SLIT3: variants seen among roughly 807,000 people sequenced by gnomAD.
SLIT3 encodes the protein slit homolog 3 protein.
Under a neutral mutation model 184.0 loss-of-function variants are expected in SLIT3, and 68 were observed. The ratio of observed to expected loss-of-function variants is 0.37; its 90% CI spans 0.30 to 0.45. SLIT3 has a LOEUF of 0.45. Among genes scored for constraint, SLIT3 ranks in the 20% least tolerant of loss-of-function variants. The pLI is 1.00. For missense variants in SLIT3, 1,707 were observed against 2,026.0 expected, an observed-to-expected ratio of 0.84 and a Z score of 3.02; for synonymous variants, 831 against 828.6, an observed-to-expected ratio of 1.00 and a Z score of -0.05.
chr5:169,225,594 C>A (rs972826083), intron 3 of SLIT3, among the ~76,000 whole-genome samples: 4 of 152,232 alleles, frequency 2.6e-5, no homozygotes, highest in Non-Finnish European at 5.9e-5. Flanking sequence ...CTAACAAAGG[C>A]CCCATAAGAC....
chr5:168,976,141 A>G (rs932324556), intron 4 of SLIT3, among the ~76,000 whole-genome samples: 7 of 152,176 alleles, frequency 4.6e-5, no homozygotes, highest in African/African-American at 1.7e-4. Flanking sequence ...AAGCACTCTT[A>G]TGAGGTAGGT....
intron 16 of SLIT3, among the ~76,000 whole-genome samples, chr5:168,754,352 T>C (rs1010292787): frequency 6.6e-6 from 1 of 152,178 alleles, no homozygotes; most frequent in Admixed American, 6.5e-5. Context: ...TGAATGGCAC[T>C]GGAGGTCACT....
intron 3 of SLIT3, among the ~76,000 whole-genome samples, chr5:169,231,025 A>G (rs1386037830): frequency 6.6e-6 from 1 of 152,132 alleles, no homozygotes; most frequent in East Asian, 1.9e-4. Context: ...TCCTTGAATA[A>G]TGGCATTTCC....
chr5:169,054,826 C>T (rs1318134784), intron 4 of SLIT3, among the ~76,000 whole-genome samples: 2 of 152,174 alleles, frequency 1.3e-5, no homozygotes, highest in Non-Finnish European at 2.9e-5. Flanking sequence ...AGGTACAGCT[C>T]AAGGTCTATC....
chr5:169,222,888 G>A (rs1764657437), intron 3 of SLIT3, among the ~76,000 whole-genome samples: 1 of 152,168 alleles, frequency 6.6e-6, no homozygotes, highest in African/African-American at 2.4e-5. Flanking sequence ...ACCAAAGTTG[G>A]TTGTTAACCA....
intron 4 of SLIT3, among the ~76,000 whole-genome samples, chr5:169,031,238 T>C (rs1050728191): frequency 6.6e-6 from 1 of 152,188 alleles, no homozygotes; most frequent in Non-Finnish European, 1.5e-5. Context: ...GTAGGAAAGT[T>C]ACCCCTCAGC....
At chr5:169,119,657 T>C (rs1252214634) in intron 4 of SLIT3, among the ~76,000 whole-genome samples, 1 of 152,224 alleles carries the variant, frequency 6.6e-6, no homozygotes, top group African/African-American at 2.4e-5. Context: ...AAAAGACTCA[T>C]GCAGGAGGAA....
chr5:169,071,440 G>A (rs1216427994), intron 4 of SLIT3, among the ~76,000 whole-genome samples: 1 of 152,210 alleles, frequency 6.6e-6, no homozygotes, highest in Non-Finnish European at 1.5e-5. Context: ...AGAGGAGAAA[G>A]AGCGTTTGAG....
chr5:169,163,411 A>C (rs1581005442), intron 4 of SLIT3, among the ~76,000 whole-genome samples: 1 of 152,196 alleles, frequency 6.6e-6, no homozygotes, highest in African/African-American at 2.4e-5. Context: ...CATGAAGCCC[A>C]GGTTGAACTG....
intron 6 of SLIT3, among the ~76,000 whole-genome samples, chr5:168,844,267 C>G (rs1326779064): frequency 6.6e-6 from 1 of 152,148 alleles, no homozygotes; most frequent in Non-Finnish European, 1.5e-5. Flanking sequence ...TCTGCTCCAG[C>G]CCATCTGTTT....
chr5:168,868,750 A>G (rs1248356778), intron 5 of SLIT3, among the ~76,000 whole-genome samples: 33 of 124,954 alleles, frequency 2.6e-4, no homozygotes, highest in African/African-American at 6.4e-4. Flanking sequence ...TCTGCCTCAA[A>G]AAAAAAAAAA....
intron 4 of SLIT3, among the ~76,000 whole-genome samples, chr5:168,954,597 A>G (rs1353733621): frequency 6.6e-6 from 1 of 152,204 alleles, no homozygotes; most frequent in African/African-American, 2.4e-5. Flanking sequence ...CATTTTACAG[A>G]TGAGACAAGT....
chr5:168,801,499 G>A (rs1426208668), intron 9 of SLIT3, among the ~76,000 whole-genome samples: 1 of 152,172 alleles, frequency 6.6e-6, no homozygotes, highest in Admixed American at 6.5e-5. Flanking sequence ...CCTGTCCATA[G>A]CCCTTCTTCA....
intron 29 of SLIT3, among the ~76,000 whole-genome samples, chr5:168,692,106 C>A (rs1050943059): frequency 6.6e-6 from 1 of 152,222 alleles, no homozygotes; most frequent in Admixed American, 6.5e-5. Context: ...GCTGCTGGAC[C>A]ACAGTGCTCC....
intron 6 of SLIT3, among the ~76,000 whole-genome samples, chr5:168,823,658 CCA>C (rs1025163948): frequency 2.0e-5 from 3 of 152,164 alleles, no homozygotes; most frequent in African/African-American, 7.2e-5. Context: ...ATCTACAATG[CCA>C]GTTACCTATT....
intron 15 of SLIT3, 115 bp downstream of exon 15, chr5:168,762,424 A>G (rs1755188858): frequency 1.8e-6 from 2 of 1,123,236 alleles, no homozygotes; most frequent in African/African-American, 1.5e-5. Flanking sequence ...GACAGCCAAC[A>G]AACACCACAT....
intron 26 of SLIT3, chr5:168,707,421 G>T (rs190852773): frequency 9.8e-4 from 154 of 156,650 alleles, no homozygotes; most frequent in Non-Finnish European, 1.7e-3. Context: ...TAGTCTGGGA[G>T]GACAGAGGGG....
chr5:168,813,246 A>G (rs1234581563), intron 8 of SLIT3, among the ~76,000 whole-genome samples: 1 of 152,140 alleles, frequency 6.6e-6, no homozygotes, highest in Non-Finnish European at 1.5e-5. Context: ...TTAAGGTACC[A>G]GAAAATTAAC....
At chr5:169,284,740 G>T (rs1477153766) in intron 1 of SLIT3, among the ~76,000 whole-genome samples, 1 of 152,202 alleles carries the variant, frequency 6.6e-6, no homozygotes, top group African/African-American at 2.4e-5. Context: ...TTGCCACAAT[G>T]CTACACTACC....
Sources: gnomAD v4.1 joint callset for allele counts (sites outside exome capture counted in the v4.1 genomes callset) on GRCh38, gnomAD v4.1.1 for gene constraint, MANE v1.5 for transcripts, NCBI Gene and HGNC (gene_info 2026-07-23, HGNC 2026-07-21) for gene names.